Variants in C2CD3 observed in about 807,000 individuals in gnomAD.
C2CD3 encodes C2 domain-containing protein 3.
A neutral mutation model predicts 234.0 loss-of-function variants in C2CD3; 148 were observed. That is an observed-to-expected ratio of 0.63 (90% CI 0.55 to 0.72). The LOEUF (loss-of-function observed/expected upper bound fraction) is 0.72, where lower values mean the gene tolerates loss of function less well. Ranked by LOEUF, C2CD3 falls within the 30% of genes least tolerant of loss-of-function variation. The pLI, the probability that C2CD3 is intolerant of heterozygous loss-of-function variation, is 0.00. For missense variants in C2CD3, 2,577 were observed against 2,811.5 expected, an observed-to-expected ratio of 0.92 and a Z score of 1.89; for synonymous variants, 1,000 against 1,035.4, an observed-to-expected ratio of 0.97 and a Z score of 0.66.
At chr11:74,026,766 G>C (rs971617131) in intron 32 of C2CD3, among the ~76,000 whole-genome samples, 1 of 151,884 alleles carries the variant, frequency 6.6e-6, no homozygotes, top group Non-Finnish European at 1.5e-5. Flanking sequence ...TCAAGAGATT[G>C]AGACCATCCT....
intron 26 of C2CD3, among the ~76,000 whole-genome samples, chr11:74,049,892 C>CAAG (rs1264615277): frequency 0.057 from 8,635 of 152,162 alleles, 787 homozygotes; most frequent in African/African-American, 0.2. Flanking sequence ...GCAATCCTCC[C>CAAG]TCTTCAGTCT....
At chr11:74,081,626 C>T (rs201961705) in intron 22 of C2CD3, among the ~76,000 whole-genome samples, 6 of 147,036 alleles carry the variant, frequency 4.1e-5, no homozygotes, top group South Asian at 2.1e-4. Context: ...ATCATCATCA[C>T]CATCATCATC....
At chr11:74,070,680 T>G (rs1174093316) in intron 24 of C2CD3, 3 of 152,168 alleles carry the variant, frequency 2.0e-5, no homozygotes, top group African/African-American at 7.2e-5. Context: ...ACCTTGCCTC[T>G]CCACAGATTA....
chr11:74,066,054 A>C (rs1319755411), intron 24 of C2CD3, among the ~76,000 whole-genome samples: 1 of 149,030 alleles, frequency 6.7e-6, no homozygotes, highest in African/African-American at 2.5e-5. Context: ...CCTAGAACTT[A>C]AAGTATAATA....
Position 74,087,113 on chromosome 11 carries a change from A to G in C2CD3, c.3642-1227T>C, listed in dbSNP as rs534670483. On this transcript the variant is annotated intron_variant, in intron 20 of 32. Coordinates refer to ENST00000334126, the MANE Select transcript of C2CD3 (RefSeq NM_001286577.2). ...GCAATTTCATTTCTAAGAAAAAAAG[A>G]AAAACTTTTTCCTTTTCATTATCGT... 1.5e-3 allele frequency among the ~76,000 whole-genome samples: 223 copies of G among 152,336 alleles called. 1 individual carries two copies. The highest frequency in any genetic ancestry group is 2.1e-3 in the Non-Finnish European group (145 of 68,042).
chr11:74,125,359 C>CCT (rs1245295111), intron 7 of C2CD3, among the ~76,000 whole-genome samples: 2 of 152,078 alleles, frequency 1.3e-5, no homozygotes, highest in Admixed American at 1.3e-4. Flanking sequence ...AGAGACTGGG[C>CCT]CTCATTATGT....
In C2CD3 at chr11:74,109,107, C is replaced by A. The variant is rs771517385; in HGVS notation, c.1889G>T (p.Gly630Val). 6.2e-7 allele frequency: 1 copy of A among 1,600,724 alleles called. No individual in the cohort carries two copies. Among genetic ancestry groups the A allele is most frequent in the South Asian group, 1.1e-5 (1 of 89,338 alleles). Residue 630 changes from glycine to valine, a missense_variant, in exon 12 of 33, where the codon GGC (glycine) becomes GTC (valine). Coordinates refer to ENST00000334126, the MANE Select transcript of C2CD3 (RefSeq NM_001286577.2). ...QRFVFPVQFGGPMIEHWWNSN... is the reference protein window; with the variant it reads ...QRFVFPVQFGVPMIEHWWNSN... ...ATTCCACCAGTGCTCTATCATTGGGCCACCAAACTGTACTGGAAACACAAA... is the reference window on the plus strand; with the variant it reads ...ATTCCACCAGTGCTCTATCATTGGGACACCAAACTGTACTGGAAACACAAA...
intron 18 of C2CD3, among the ~76,000 whole-genome samples, chr11:74,093,351 T>A (rs1234901796): frequency 1.4e-5 from 2 of 147,926 alleles, no homozygotes; most frequent in East Asian, 3.9e-4. Context: ...TTGTTATATA[T>A]AAATTATATT....
chr11:74,170,610 T>C, intron 1 of C2CD3, 128 bp downstream of exon 1: 1 of 1,098,584 alleles, frequency 9.1e-7, no homozygotes, highest in Non-Finnish European at 1.4e-6. Flanking sequence ...TTTAACCTTC[T>C]GGTTCCCTGG....
chr11:74,023,150 T>C (rs1199195651), intron 32 of C2CD3, among the ~76,000 whole-genome samples: 1 of 152,224 alleles, frequency 6.6e-6, no homozygotes, highest in Non-Finnish European at 1.5e-5. Flanking sequence ...GGCTCAGGTA[T>C]ATCATTTCAG....
intron 4 of C2CD3, 39 bp downstream of exon 4, chr11:74,139,566 T>C: frequency 1.5e-6 from 2 of 1,348,082 alleles, no homozygotes; most frequent in African/African-American, 2.9e-5. Context: ...TACAGTGCAG[T>C]TAACTGACAG....
chr11:74,019,191 G>T (rs532218677), intron 32 of C2CD3, among the ~76,000 whole-genome samples: 86 of 152,308 alleles, frequency 5.6e-4, no homozygotes, highest in Non-Finnish European at 9.3e-4. Flanking sequence ...CTTACAAGAA[G>T]AGCTCCTGGC....
chr11:74,103,379 G>T lies in C2CD3; in HGVS notation c.2332C>A (p.Pro778Thr). The T allele has an allele frequency of 1.2e-6, 2 of 1,614,202 alleles. No homozygotes were observed. Among genetic ancestry groups the T allele is most frequent in the Non-Finnish European group, 1.7e-6 (2 of 1,180,046 alleles). The change falls in exon 14 of 33, where the codon CCT (proline) becomes ACT (threonine). Residue 778 changes from proline to threonine, a missense_variant. Transcript: ENST00000334126. ...GCTGGCGTAGCTACGAAGGTTGAAG[G>T]ATGTGGTGCTACAGGGCTTGGTGAC... ...RKSPSPVAPHPSTFVATPASH... is the reference protein window; with the variant it reads ...RKSPSPVAPHTSTFVATPASH...
intron 3 of C2CD3, among the ~76,000 whole-genome samples, chr11:74,150,504 A>C (rs1317220872): frequency 1.7e-5 from 2 of 116,322 alleles, no homozygotes; most frequent in Non-Finnish European, 1.8e-5. Flanking sequence ...AAAAAAAAAA[A>C]AAAAAAAAAA....
intron 26 of C2CD3, among the ~76,000 whole-genome samples, chr11:74,054,074 C>G (rs1247603483): frequency 6.6e-6 from 1 of 151,938 alleles, no homozygotes; most frequent in Non-Finnish European, 1.5e-5. Flanking sequence ...AGATCGAGAC[C>G]ACCCTGGCTA....
rs142542867 is a variant in C2CD3 at position 74,123,102 on chromosome 11, C to A, written c.1251G>T (p.Gly417=). The A allele has an allele frequency of 2.3e-4, 375 of 1,612,884 alleles. No homozygotes were observed. The African/African-American group carries it at 4.4e-3, about 19-fold the overall frequency. The change falls in exon 8 of 33, where the codon GGG becomes GGT. Residue 417 remains glycine (G), a synonymous_variant. Coordinates refer to ENST00000334126, the MANE Select transcript of C2CD3 (RefSeq NM_001286577.2). The part of the protein sequence containing the change: ...AELSQGNFWD[G]LGSPPDSPSP... ...ATGGGGAATCTGGAGGAGAGCCTAG[C>A]CCATCCCAGAAATTGCCTTGGGATA...
In C2CD3 at chr11:74,015,450, T is replaced by C. The variant is rs2135397050; in HGVS notation, c.6922-1925A>G. Reference sequence around the variant, plus strand: ...TACTCCCAAGATCCAAGATGGCTGTTTCCTGAGCTATTTGGGATTTAGGAT... The same window carrying C: ...TACTCCCAAGATCCAAGATGGCTGTCTCCTGAGCTATTTGGGATTTAGGAT... On this transcript the variant is annotated intron_variant, in intron 32 of 32. Transcript: ENST00000334126. 2.0e-5 allele frequency among the ~76,000 whole-genome samples: 3 copies of C among 152,348 alleles called. No individual in the cohort carries two copies. The Middle Eastern group carries it at 0.01, about 518-fold the overall frequency.
At chr11:74,140,795 C>T (rs1428574868) in intron 3 of C2CD3, among the ~76,000 whole-genome samples, 1 of 152,032 alleles carries the variant, frequency 6.6e-6, no homozygotes, top group African/African-American at 2.4e-5. Flanking sequence ...AAATAAGGTC[C>T]TAGTTCTATG....
At chr11:74,129,852 C>T (rs1047006464) in intron 7 of C2CD3, 3,120 of 155,436 alleles carry the variant, frequency 0.02, 100 homozygotes, top group African/African-American at 0.096. Flanking sequence ...GCTGGCGGAT[C>T]ACTCGCGGTT....
Sources: gnomAD v4.1 joint callset for allele counts (sites outside exome capture counted in the v4.1 genomes callset) on GRCh38, gnomAD v4.1.1 for gene constraint, MANE v1.5 for transcripts, NCBI Gene and HGNC (gene_info 2026-07-23, HGNC 2026-07-21) for gene names.